Variants in CCDC171 observed in about 807,000 individuals in gnomAD.
The protein encoded by CCDC171 is coiled-coil domain-containing protein 171.
A neutral mutation model predicts 168.2 loss-of-function variants in CCDC171; 177 were observed. The ratio of observed to expected loss-of-function variants is 1.05; its 90% CI spans 0.93 to 1.19. CCDC171 has a LOEUF of 1.19. CCDC171 is among the 50% of genes most tolerant of loss of function. The pLI is 0.00. For synonymous variants in CCDC171, 687 were observed against 540.8 expected, an observed-to-expected ratio of 1.27 and a Z score of -3.75; for missense variants, 1,991 against 1,539.0, an observed-to-expected ratio of 1.29 and a Z score of -4.91.
intron 1 of CCDC171, among the ~76,000 whole-genome samples, chr9:15,561,587 G>A (rs762394096): frequency 2.0e-5 from 3 of 152,028 alleles, no homozygotes; most frequent in Non-Finnish European, 4.4e-5. Context: ...CTGTAACTCT[G>A]AACTTGACTG....
chr9:15,612,735 T>C (rs1373449476), intron 6 of CCDC171, among the ~76,000 whole-genome samples: 2 of 152,216 alleles, frequency 1.3e-5, no homozygotes, highest in Non-Finnish European at 2.9e-5. Context: ...ATAGTTTGCA[T>C]ATTTGCATAG....
At chr9:15,871,989 T>C (rs2062058466) in intron 23 of CCDC171, among the ~76,000 whole-genome samples, 1 of 152,040 alleles carries the variant, frequency 6.6e-6, no homozygotes, top group South Asian at 2.1e-4. Flanking sequence ...GAGAACATTT[T>C]AGATACTTAC....
In CCDC171 at chr9:15,554,444, A is replaced by G. The variant is rs373841150; in HGVS notation, c.-112+1142A>G. 9.8e-5 allele frequency among the ~76,000 whole-genome samples: 15 copies of G among 152,308 alleles called. No individual in the cohort carries two copies. In the East Asian group the frequency reaches 2.5e-3, roughly 25 times the overall value. On this transcript the variant is annotated intron_variant, in intron 1 of 25. Coordinates refer to ENST00000380701, the MANE Select transcript of CCDC171 (RefSeq NM_173550.4). ...GCAGTGCAACCTGCTAAGAGGAAAG[A>G]TGAAGGGCATAGTCTTAGTTTGTAG... is the stretch of plus-strand genomic sequence containing the variant.
chr9:15,982,388 C>A (rs1387301188), intron 3 of CCDC171, among the ~76,000 whole-genome samples: 2 of 152,080 alleles, frequency 1.3e-5, no homozygotes, highest in Non-Finnish European at 2.9e-5. Flanking sequence ...GATAATGATA[C>A]CTTCTCTACT....
intron 7 of CCDC171, among the ~76,000 whole-genome samples, chr9:15,651,825 GTTGT>G (rs151208170): frequency 0.02 from 3,016 of 152,054 alleles, 145 homozygotes; most frequent in Admixed American, 0.11. Context: ...TTTCTATGAA[GTTGT>G]TTGTTTGTTT....
chr9:15,990,803 C>A (rs975054404), intron 3 of CCDC171, among the ~76,000 whole-genome samples: 1 of 152,020 alleles, frequency 6.6e-6, no homozygotes, highest in Non-Finnish European at 1.5e-5. Flanking sequence ...AGGCTTTAAG[C>A]CAACAAAGAT....
intron 24 of CCDC171, among the ~76,000 whole-genome samples, chr9:15,914,924 C>G (rs1240973727): frequency 6.6e-6 from 1 of 152,078 alleles, no homozygotes; most frequent in Non-Finnish European, 1.5e-5. Context: ...CTTGTGCTTC[C>G]CGGGTGAGGT....
At chr9:15,727,703 G>C (rs1391439343) in intron 14 of CCDC171, among the ~76,000 whole-genome samples, 166 bp from the exon 15 acceptor site, 4 of 151,980 alleles carry the variant, frequency 2.6e-5, no homozygotes, top group African/African-American at 9.7e-5. Context: ...TGTTTTATCT[G>C]GTGCTTAGTT....
At chr9:15,894,472 C>G (rs1036180434) in intron 24 of CCDC171, among the ~76,000 whole-genome samples, 2 of 152,022 alleles carry the variant, frequency 1.3e-5, no homozygotes, top group African/African-American at 4.8e-5. Context: ...TGCCATTCCT[C>G]CCTTCTTATA....
intron 7 of CCDC171, among the ~76,000 whole-genome samples, chr9:15,632,874 T>G (rs1488292960): frequency 6.6e-6 from 1 of 152,160 alleles, no homozygotes; most frequent in Admixed American, 6.6e-5. Context: ...GCCGCATATC[T>G]ATGACTATCT....
intron 9 of CCDC171, among the ~76,000 whole-genome samples, chr9:15,675,187 G>GTTGTTTTTTTTTTTTTTTTTTTTTT (rs2049435851): frequency 1.3e-5 from 1 of 75,530 alleles, no homozygotes. Context: ...TGCAACTCCT[G>GTTGTTTTTTTTTTTTTTTTTTTTTT]TTTTTTTTTT....
At chr9:15,609,476 A>G (rs2043492034) in intron 6 of CCDC171, among the ~76,000 whole-genome samples, 1 of 152,178 alleles carries the variant, frequency 6.6e-6, no homozygotes. Flanking sequence ...GTTTTGTCTT[A>G]GATAACCCAA....
downstream of CCDC171, among the ~76,000 whole-genome samples, chr9:16,065,534 G>A (rs1833981729): frequency 6.6e-6 from 1 of 152,174 alleles, no homozygotes; most frequent in Non-Finnish European, 1.5e-5. Context: ...TGGAGGAAGA[G>A]TTACAAAGCA....
rs564330360 is a variant in CCDC171, at chr9:15,812,038, CAAT to C, written c.3267+27349_3267+27351del. On this transcript the variant is annotated intron_variant, in intron 21 of 25. Coordinates refer to ENST00000380701, the MANE Select transcript of CCDC171 (RefSeq NM_173550.4). ...CACGTCTAGGGGAAATGGTTGGAAACAATAATATGTCTTGGCTTTGGCACTCTG... is the reference window on the plus strand; with the variant it reads ...CACGTCTAGGGGAAATGGTTGGAAACAATATGTCTTGGCTTTGGCACTCTG... Among the ~76,000 whole-genome samples the C allele has an allele frequency of 5.9e-5, 9 of 152,120 alleles. 1 individual carries two copies. The South Asian group carries it at 1.9e-3, about 32-fold the overall frequency.
chr9:16,054,475 C>A (rs903720765), intron 1 of CCDC171, among the ~76,000 whole-genome samples: 1 of 152,010 alleles, frequency 6.6e-6, no homozygotes, highest in African/African-American at 2.4e-5. Context: ...TCAGGCATAG[C>A]GAGTCCCATA....
intron 7 of CCDC171, among the ~76,000 whole-genome samples, chr9:15,624,580 G>C (rs183279572): frequency 1.3e-5 from 2 of 151,944 alleles, no homozygotes; most frequent in African/African-American, 4.8e-5. Context: ...TTCTGTCCTT[G>C]CAATAGTTTG....
At chr9:15,920,005 G>A (rs182678860) in intron 24 of CCDC171, among the ~76,000 whole-genome samples, 4 of 151,544 alleles carry the variant, frequency 2.6e-5, no homozygotes, top group African/African-American at 7.2e-5. Flanking sequence ...TTTTAAAACC[G>A]CATTCTAAAT....
At chr9:15,923,791 C>T (rs187487909) in intron 25 of CCDC171, among the ~76,000 whole-genome samples, 129 of 151,440 alleles carry the variant, frequency 8.5e-4, no homozygotes, top group African/African-American at 2.3e-3. Flanking sequence ...AAATAGAGAA[C>T]TTTTTTTCTC....
chr9:15,626,313 C>T (rs143610216), intron 7 of CCDC171, among the ~76,000 whole-genome samples: 2 of 152,148 alleles, frequency 1.3e-5, no homozygotes, highest in Non-Finnish European at 2.9e-5. Context: ...ATTTCTTTCT[C>T]CTGCCTGATT....
Sources: allele counts gnomAD v4.1 joint callset (sites outside exome capture counted in the v4.1 genomes callset), GRCh38; gene constraint gnomAD v4.1.1; transcripts MANE v1.5; gene names NCBI Gene and HGNC (gene_info 2026-07-23, HGNC 2026-07-21).